PPFIBP2: variants seen among roughly 807,000 people sequenced by gnomAD.
PPFIBP2 encodes liprin-beta-2.
A neutral mutation model predicts 118.3 loss-of-function variants in PPFIBP2; 118 were observed. The ratio of observed to expected loss-of-function variants is 1.00; its 90% confidence interval spans 0.86 to 1.16. PPFIBP2 has a LOEUF of 1.16. Among genes scored for constraint, PPFIBP2 ranks in the 50% most tolerant of loss-of-function variants. PPFIBP2 has a pLI of 0.00. For synonymous variants in PPFIBP2, 414 were observed against 397.4 expected (o/e 1.04, Z -0.50); for missense variants, 1,195 against 1,073.1 (o/e 1.11, Z -1.59).
Position 7,625,760 on chromosome 11 carries a change from C to T in PPFIBP2, c.712-17C>T. 2 of 1,610,164 alleles carry T rather than the reference C, an allele frequency of 1.2e-6. No individual in the cohort carries two copies. The stretch of plus-strand genomic sequence containing the variant: ...CAGTCCTTCTGACCTGGTAGGGATC[C>T]TCTGTTGCTCTTCCAGGCTGAAGTC... On this transcript the variant is annotated splice_polypyrimidine_tract_variant and intron_variant, in intron 7 of 23. Coordinates refer to ENST00000299492, the MANE Select transcript of PPFIBP2 (RefSeq NM_003621.5).
intron 3 of PPFIBP2, among the ~76,000 whole-genome samples, chr11:7,589,195 T>G (rs944271810): frequency 3.9e-5 from 6 of 152,192 alleles, no homozygotes; most frequent in Non-Finnish European, 7.4e-5. Flanking sequence ...AAATTAGCTC[T>G]TTCTTATATT....
At chr11:7,554,861 A>T (rs750256996) in intron 2 of PPFIBP2, among the ~76,000 whole-genome samples, 1 of 150,346 alleles carries the variant, frequency 6.7e-6, no homozygotes, top group Non-Finnish European at 1.5e-5. Context: ...TATATCAGAA[A>T]GTTGGGAAAG....
At chr11:7,533,035 T>A (rs1850878874) in intron 1 of PPFIBP2, among the ~76,000 whole-genome samples, 1 of 151,332 alleles carries the variant, frequency 6.6e-6, no homozygotes, top group East Asian at 1.9e-4. Flanking sequence ...TCATATCTGT[T>A]TTTTTTTGTT....
rs1237481152 is a variant in PPFIBP2, at chr11:7,520,506, A to ATC, written c.-37+6386_-37+6387insCT. On this transcript the variant is annotated intron_variant, in intron 1 of 23. Transcript: ENST00000299492. Reference sequence around the variant, plus strand: ...AAGTGGTTTTTTACTTGGCCATAAGATTTTTTTTTTTTTTTTCCTGAAATG... The same window carrying ATC: ...AAGTGGTTTTTTACTTGGCCATAAGATCTTTTTTTTTTTTTTTTCCTGAAATG... Among the ~76,000 whole-genome samples, 21 of 143,186 alleles carry ATC rather than the reference A, an allele frequency of 1.5e-4. 1 individual carries two copies. Among genetic ancestry groups the ATC allele is most frequent in the East Asian group, 2.0e-4 (1 of 4,990 alleles). The allele number at this position is 143,186 out of a possible 152,430, so 93.9% of individuals were successfully genotyped here. A position where few individuals can be genotyped will look rare whatever the true frequency, so the allele number is the denominator to read the frequency against.
chr11:7,550,953 G>A (rs1284109656), intron 2 of PPFIBP2, among the ~76,000 whole-genome samples: 2 of 152,118 alleles, frequency 1.3e-5, no homozygotes, highest in African/African-American at 2.4e-5. Context: ...TGGCTTCCCT[G>A]CTCCTCAGTT....
intron 3 of PPFIBP2, among the ~76,000 whole-genome samples, chr11:7,592,787 A>G (rs1162817469): frequency 6.6e-6 from 1 of 152,140 alleles, no homozygotes; most frequent in East Asian, 1.9e-4. Flanking sequence ...GCAGACCCTC[A>G]TTGTCGCCAT....
At chr11:7,599,703 T>C (rs1861056536) in intron 5 of PPFIBP2, among the ~76,000 whole-genome samples, 1 of 150,704 alleles carries the variant, frequency 6.6e-6, no homozygotes, top group Admixed American at 6.6e-5. Flanking sequence ...CGATCTCGGC[T>C]CACTGCAACC....
chr11:7,632,771 G>A, intron 11 of PPFIBP2, 96 bp from the exon 12 acceptor site: 1 of 954,548 alleles, frequency 1.0e-6, no homozygotes, highest in Non-Finnish European at 1.7e-6. Context: ...GGGAGGAAAT[G>A]TCTCCCTAAA....
intron 5 of PPFIBP2, among the ~76,000 whole-genome samples, chr11:7,601,260 G>A (rs1001371770): frequency 6.6e-6 from 1 of 152,092 alleles, no homozygotes; most frequent in Non-Finnish European, 1.5e-5. Flanking sequence ...ATCTGTTTTT[G>A]TCTACACATG....
At chr11:7,562,940 TATATATATATATATA>T (rs1854483487) in intron 2 of PPFIBP2, among the ~76,000 whole-genome samples, 3 of 74,178 alleles carry the variant, frequency 4.0e-5, no homozygotes, top group Non-Finnish European at 8.0e-5. Flanking sequence ...TATATATATA[TATATATATATATATA>T]TATATATATA....
chr11:7,528,503 A>G (rs766434459), intron 1 of PPFIBP2, among the ~76,000 whole-genome samples: 17 of 152,214 alleles, frequency 1.1e-4, no homozygotes, highest in Non-Finnish European at 2.1e-4. Flanking sequence ...ATCATTAGTA[A>G]CAAGTTACCT....
chr11:7,585,112 C>A (rs2135102718), intron 3 of PPFIBP2, among the ~76,000 whole-genome samples: 1 of 152,312 alleles, frequency 6.6e-6, no homozygotes, highest in South Asian at 2.1e-4. Context: ...TATAATTTAA[C>A]ATGCTCTGAC....
At chr11:7,629,625 CCT>C in intron 10 of PPFIBP2, 91 bp downstream of exon 10, 1 of 1,287,156 alleles carries the variant, frequency 7.8e-7, no homozygotes, top group Non-Finnish European at 1.1e-6. Context: ...AGCTGTTTCA[CCT>C]CTGTTTCAGA....
intron 7 of PPFIBP2, among the ~76,000 whole-genome samples, chr11:7,625,495 C>T (rs1421976949): frequency 1.3e-5 from 2 of 152,224 alleles, no homozygotes; most frequent in Non-Finnish European, 2.9e-5. Flanking sequence ...CAATCCTAAT[C>T]CTCACAGTGC....
chr11:7,643,662 T>A (rs995376159), intron 17 of PPFIBP2, among the ~76,000 whole-genome samples: 2 of 152,250 alleles, frequency 1.3e-5, no homozygotes, highest in African/African-American at 4.8e-5. Flanking sequence ...TAACTAGAAA[T>A]TGATATATGT....
At chr11:7,666,225 G>A in the PPFIBP2 span, 1 of 593,006 alleles carries the variant, frequency 1.7e-6, no homozygotes, top group Non-Finnish European at 3.0e-6. Flanking sequence ...AGCGTGAGGT[G>A]CTGCTGATGT....
chr11:7,599,962 C>T lies in PPFIBP2; in HGVS notation c.486+2289C>T, dbSNP rs982407369. 2.0e-5 allele frequency among the ~76,000 whole-genome samples: 3 copies of T among 151,980 alleles called. No homozygotes were observed. In the South Asian group the frequency reaches 6.2e-4, roughly 32 times the overall value. ...CCCGGCCTCAATTACCTTTTTTAGC[C>T]CGTTTATTCTAAACCCTCTTTCCTG... On this transcript the variant is annotated intron_variant, in intron 5 of 23. Coordinates refer to ENST00000299492, the MANE Select transcript of PPFIBP2 (RefSeq NM_003621.5).
chr11:7,658,101 A>C (rs1238537862), downstream of PPFIBP2, among the ~76,000 whole-genome samples: 1 of 152,254 alleles, frequency 6.6e-6, no homozygotes, highest in Non-Finnish European at 1.5e-5. Context: ...GCCAAAGGTT[A>C]CAGATGCTCC....
At chr11:7,540,053 A>C (rs1851621644) in intron 1 of PPFIBP2, among the ~76,000 whole-genome samples, 3 of 152,160 alleles carry the variant, frequency 2.0e-5, no homozygotes. Flanking sequence ...AAGAACTTGG[A>C]TCTACATGCA....
Sources: allele counts gnomAD v4.1 joint callset (sites outside exome capture counted in the v4.1 genomes callset), GRCh38; gene constraint gnomAD v4.1.1; transcripts MANE v1.5; gene names NCBI Gene and HGNC (gene_info 2026-07-23, HGNC 2026-07-21).